Variants in LARGE1 observed in about 807,000 individuals in gnomAD.
LARGE1 encodes the protein LARGE xylosyl- and glucuronyltransferase 1.
In LARGE1, 43 loss-of-function variants were observed where a neutral mutation model predicts 87.6. The observed-to-expected ratio is 0.49, with a 90% confidence interval of 0.38 to 0.63. LARGE1 has a LOEUF of 0.63. LARGE1 is among the 30% of genes least tolerant of loss of function. LARGE1 has a pLI of 0.00. For synonymous variants in LARGE1, 434 were observed against 394.6 expected (o/e 1.10, Z -1.18); for missense variants, 802 against 1,000.2 (o/e 0.80, Z 2.67).
At chr22:33,126,249 A>G in the LARGE1 span, among the ~76,000 whole-genome samples, 1 of 152,170 alleles carries the variant, frequency 6.6e-6, no homozygotes, top group South Asian at 2.1e-4. Flanking sequence ...TTTCGAACAG[A>G]GCAGTTTATC....
At chr22:33,371,000 A>C (rs1281301623) in intron 9 of LARGE1, among the ~76,000 whole-genome samples, 1 of 150,582 alleles carries the variant, frequency 6.6e-6, no homozygotes, top group Non-Finnish European at 1.5e-5. Context: ...GAAATGTAAA[A>C]TAAAATGTAT....
intron 6 of LARGE1, among the ~76,000 whole-genome samples, chr22:33,435,733 T>C (rs1358957000): frequency 2.6e-5 from 4 of 152,172 alleles, no homozygotes; most frequent in African/African-American, 4.8e-5. Context: ...AGTCACGTTA[T>C]CCCAAAGAAT....
chr22:33,732,763 T>A (rs1455520059), intron 2 of LARGE1: 1 of 152,206 alleles, frequency 6.6e-6, no homozygotes, highest in African/African-American at 2.4e-5. Flanking sequence ...AAGATTGCAG[T>A]CACCTTTGAA....
intron 3 of LARGE1, among the ~76,000 whole-genome samples, chr22:33,636,747 G>A (rs2080280116): frequency 6.6e-6 from 1 of 151,812 alleles, no homozygotes; most frequent in African/African-American, 2.4e-5. Context: ...GCCCAGGCTG[G>A]TCTTGAACTC....
intron 9 of LARGE1, 28 bp downstream of exon 9, chr22:33,381,891 T>G: frequency 6.2e-7 from 1 of 1,613,566 alleles, no homozygotes. Flanking sequence ...TCACCCTACC[T>G]CCAGGGATGT....
At chr22:33,873,275 G>A (rs1258076178) in intron 1 of LARGE1, 1 of 152,102 alleles carries the variant, frequency 6.6e-6, no homozygotes, top group Non-Finnish European at 1.5e-5. Flanking sequence ...CACACCCTTG[G>A]GATCAGGCCT....
At chr22:33,301,499 T>C (rs755260023) in intron 12 of LARGE1, among the ~76,000 whole-genome samples, 2 of 152,122 alleles carry the variant, frequency 1.3e-5, no homozygotes, top group Non-Finnish European at 2.9e-5. Context: ...ACATTTTATA[T>C]GAAAATCCAG....
chr22:33,182,723 T>C (rs1923237082), intron 11 of LARGE1, among the ~76,000 whole-genome samples: 1 of 152,190 alleles, frequency 6.6e-6, no homozygotes, highest in Admixed American at 6.6e-5. Flanking sequence ...GGAACAACAG[T>C]TTCTTCAATA....
At chr22:33,716,480 G>T (rs2082910837) in intron 2 of LARGE1, among the ~76,000 whole-genome samples, 2 of 152,146 alleles carry the variant, frequency 1.3e-5, no homozygotes. Flanking sequence ...ACAGCTCACT[G>T]CAGCCTTGAC....
the LARGE1 span, among the ~76,000 whole-genome samples, chr22:33,076,538 G>A: frequency 6.6e-6 from 1 of 152,158 alleles, no homozygotes; most frequent in Admixed American, 6.5e-5. Context: ...AATACTGAAA[G>A]GAAAACTTCA....
chr22:33,341,835 T>C (rs1036648330), intron 9 of LARGE1, among the ~76,000 whole-genome samples: 5 of 152,192 alleles, frequency 3.3e-5, no homozygotes, highest in African/African-American at 1.2e-4. Flanking sequence ...AACAAATGCC[T>C]AGCTCAGTGC....
At chr22:33,803,118 T>A (rs550154224) in intron 1 of LARGE1, among the ~76,000 whole-genome samples, 2 of 152,260 alleles carry the variant, frequency 1.3e-5, no homozygotes, top group South Asian at 4.2e-4. Context: ...TAAAGTCACT[T>A]CTCTAACTCC....
At chr22:33,305,150 A>G (rs1270005407) in intron 11 of LARGE1, among the ~76,000 whole-genome samples, 1 of 152,124 alleles carries the variant, frequency 6.6e-6, no homozygotes, top group Non-Finnish European at 1.5e-5. Context: ...CCCTGATGGG[A>G]CCTTGGAGTC....
chr22:33,514,814 A>T (rs2071223685), intron 6 of LARGE1, among the ~76,000 whole-genome samples: 1 of 152,152 alleles, frequency 6.6e-6, no homozygotes, highest in African/African-American at 2.4e-5. Flanking sequence ...GGACCTATAA[A>T]GGGGTGAAAC....
intron 6 of LARGE1, among the ~76,000 whole-genome samples, chr22:33,465,344 A>G (rs536484924): frequency 3.3e-5 from 5 of 152,220 alleles, no homozygotes; most frequent in Non-Finnish European, 5.9e-5. Flanking sequence ...GCTCTGGGGC[A>G]AAGACCACAT....
the LARGE1 span, among the ~76,000 whole-genome samples, chr22:33,111,126 G>A: frequency 6.6e-6 from 1 of 152,228 alleles, no homozygotes; most frequent in East Asian, 1.9e-4. Context: ...TAATTAGGAG[G>A]AGCTGGTTGT....
rs754939601 is a variant in LARGE1, at chr22:33,564,951, G to A, written c.684C>T (p.Thr228=). ...GIYGLMKLVL[T]KTLPANLERV... ...TCTCCAGGTTGGCAGGAAGAGTCTTGGTCAGGACAAGCTTCATCAGACCAT... is the reference window on the plus strand; with the variant it reads ...TCTCCAGGTTGGCAGGAAGAGTCTTAGTCAGGACAAGCTTCATCAGACCAT... Residue 228 remains threonine, a synonymous_variant, in exon 6 of 15, where the codon ACC becomes ACT. Coordinates refer to ENST00000397394, the MANE Select transcript of LARGE1 (RefSeq NM_133642.5). 5.6e-6 allele frequency: 9 copies of A among 1,613,962 alleles called. No individual in the cohort carries two copies. Among genetic ancestry groups the A allele is most frequent in the Non-Finnish European group, 7.6e-6 (9 of 1,179,968 alleles).
At chr22:33,147,909 G>T in the LARGE1 span, among the ~76,000 whole-genome samples, 1 of 152,260 alleles carries the variant, frequency 6.6e-6, no homozygotes, top group African/African-American at 2.4e-5. Context: ...TTCCCCATCT[G>T]CTATGGTTTA....
intron 2 of LARGE1, among the ~76,000 whole-genome samples, chr22:33,689,819 C>A (rs766469733): frequency 6.6e-6 from 1 of 151,624 alleles, no homozygotes; most frequent in African/African-American, 2.4e-5. Context: ...CCCAGCTACT[C>A]GGGAGGCTGA....
Sources: gnomAD v4.1 joint callset for allele counts (sites outside exome capture counted in the v4.1 genomes callset) on GRCh38, gnomAD v4.1.1 for gene constraint, MANE v1.5 for transcripts, NCBI Gene and HGNC (gene_info 2026-07-23, HGNC 2026-07-21) for gene names.